Variants in UHRF2 observed in about 807,000 individuals in gnomAD.
UHRF2 encodes ubiquitin like with PHD and ring finger domains 2, also known as E3 ubiquitin-protein ligase UHRF2.
In UHRF2, 23 loss-of-function variants were observed where a neutral mutation model predicts 96.8. That is an observed-to-expected ratio of 0.24 (90% confidence interval 0.17 to 0.34). The LOEUF is 0.34. UHRF2 is among the 10% of genes least tolerant of loss of function. The probability of loss-of-function intolerance (pLI) is 1.00; values close to 1 mark genes in which losing one functional copy is unlikely to be tolerated. For synonymous variants in UHRF2, 385 were observed against 332.6 expected (o/e 1.16, Z -1.72); for missense variants, 685 against 981.5 (o/e 0.70, Z 4.04).
chr9:6,450,929 T>G (rs1029676221), intron 3 of UHRF2, among the ~76,000 whole-genome samples: 3 of 152,204 alleles, frequency 2.0e-5, no homozygotes, highest in Non-Finnish European at 4.4e-5. Context: ...TTGGTCATGT[T>G]TCTAGGTCTT....
In UHRF2 at chr9:6,506,576, A is replaced by G. The variant is rs1406117017; in HGVS notation, c.*397A>G. On this transcript the variant is annotated 3_prime_UTR_variant, in exon 16 of 16. Transcript: ENST00000276893. Reference sequence around the variant, plus strand: ...AGTTGTGCCTGGTTCTTGTAATTTGATTTTACAGAAAAGGAAATGACACTT... The same window carrying G: ...AGTTGTGCCTGGTTCTTGTAATTTGGTTTTACAGAAAAGGAAATGACACTT... 6.4e-6 allele frequency: 1 copy of G among 156,774 alleles called. No homozygotes were observed. Among genetic ancestry groups the G allele is most frequent in the Non-Finnish European group, 1.4e-5 (1 of 70,876 alleles). 9.7% of individuals were successfully genotyped at this position (156,774 alleles called of 1,614,324 possible). A position where few individuals can be genotyped will look rare whatever the true frequency, so the allele number is the denominator to read the frequency against.
intron 3 of UHRF2, among the ~76,000 whole-genome samples, chr9:6,447,718 G>T (rs909456077): frequency 6.6e-6 from 1 of 151,960 alleles, no homozygotes; most frequent in East Asian, 1.9e-4. Flanking sequence ...ACAAAAAAAG[G>T]CACAGAAATC....
chr9:6,498,654 T>G (rs1411278980), intron 12 of UHRF2: 1 of 153,736 alleles, frequency 6.5e-6, no homozygotes, highest in Non-Finnish European at 1.4e-5. Context: ...TTGTCTTTTT[T>G]CCCCTTTGCC....
chr9:6,497,167 A>G (rs774280327), intron 10 of UHRF2, 31 bp from the exon 11 acceptor site: 54 of 1,593,202 alleles, frequency 3.4e-5, no homozygotes, highest in South Asian at 4.5e-5. Context: ...GAAAAATTAC[A>G]TGGTATAAAG....
chr9:6,458,095 C>G (rs1017540067), intron 3 of UHRF2, among the ~76,000 whole-genome samples: 2 of 152,172 alleles, frequency 1.3e-5, no homozygotes, highest in Non-Finnish European at 2.9e-5. Context: ...CCCACCTCCT[C>G]TTTGTACCTC....
intron 3 of UHRF2, among the ~76,000 whole-genome samples, chr9:6,442,864 C>A (rs940658577): frequency 6.6e-6 from 1 of 152,142 alleles, no homozygotes; most frequent in Non-Finnish European, 1.5e-5. Context: ...CACCTGTTCT[C>A]TTTATCCTCT....
chr9:6,413,753 G>T, intron 1 of UHRF2, 110 bp downstream of exon 1: 6 of 1,272,686 alleles, frequency 4.7e-6, no homozygotes, highest in Non-Finnish European at 6.0e-6. Flanking sequence ...GGCTCACCTG[G>T]CTCCGCTGCG....
At chr9:6,416,008 G>T (rs988849955) in intron 1 of UHRF2, among the ~76,000 whole-genome samples, 1 of 152,154 alleles carries the variant, frequency 6.6e-6, no homozygotes, top group South Asian at 2.1e-4. Flanking sequence ...AGATCTCCAG[G>T]TGATCTGTAT....
intron 4 of UHRF2, among the ~76,000 whole-genome samples, chr9:6,471,710 C>G (rs988155347): frequency 2.6e-5 from 4 of 152,166 alleles, no homozygotes; most frequent in African/African-American, 9.7e-5. Context: ...TCCCAGATTC[C>G]TGACCCACCC....
At position 6,497,813 on chromosome 9, in the gene UHRF2, T is replaced by G. The variant is rs866370202; in HGVS notation, c.1768-205T>G. Among the ~76,000 whole-genome samples, 19 of 152,228 alleles carry G rather than the reference T, an allele frequency of 1.2e-4. No homozygotes were observed. Among genetic ancestry groups the G allele is most frequent in the African/African-American group, 4.6e-4 (19 of 41,468 alleles). On this transcript the variant is annotated intron_variant, in intron 11 of 15. Transcript: ENST00000276893. Reference sequence around the variant, plus strand: ...TAATCTTGTTACTCTATTAAATTTATAGCAGTCTGTCCTCATGGGAAGTAC... The same window carrying G: ...TAATCTTGTTACTCTATTAAATTTAGAGCAGTCTGTCCTCATGGGAAGTAC...
chr9:6,458,305 G>A (rs1822306994), intron 3 of UHRF2, among the ~76,000 whole-genome samples: 1 of 152,202 alleles, frequency 6.6e-6, no homozygotes, highest in Middle Eastern at 3.4e-3. Flanking sequence ...ATTCTCTGAT[G>A]GTAGTTTGTA....
intron 4 of UHRF2, among the ~76,000 whole-genome samples, chr9:6,469,589 A>T (rs538767985): frequency 2.6e-5 from 4 of 151,702 alleles, no homozygotes; most frequent in African/African-American, 9.7e-5. Context: ...AAACCAGAAG[A>T]TAAGTCAATA....
At chr9:6,422,683 C>G (rs780330568) in intron 2 of UHRF2, 1 of 627,638 alleles carries the variant, frequency 1.6e-6, no homozygotes, top group Admixed American at 2.3e-5. Context: ...GAACACGGCT[C>G]GCTGTAGCCT....
At chr9:6,470,691 C>T (rs1332760094) in intron 4 of UHRF2, among the ~76,000 whole-genome samples, 4 of 152,006 alleles carry the variant, frequency 2.6e-5, no homozygotes, top group Admixed American at 2.0e-4. Flanking sequence ...TAAATGAAGT[C>T]GTGAGATTCT....
intron 12 of UHRF2, 80 bp from the exon 13 acceptor site, chr9:6,499,755 A>G: frequency 1.2e-6 from 1 of 854,158 alleles, no homozygotes; most frequent in South Asian, 2.2e-5. Flanking sequence ...CCTCCCTTTT[A>G]ATTTCTCACC....
At chr9:6,493,762 A>T in intron 9 of UHRF2, 64 bp from the exon 10 acceptor site, 1 of 1,400,808 alleles carries the variant, frequency 7.1e-7, no homozygotes, top group Non-Finnish European at 9.8e-7. Flanking sequence ...TTGACTCTGA[A>T]ATAAGAATTG....
intron 3 of UHRF2, among the ~76,000 whole-genome samples, chr9:6,452,014 G>A (rs182615186): frequency 6.5e-4 from 98 of 151,926 alleles, no homozygotes; most frequent in African/African-American, 2.1e-3. Flanking sequence ...CCCATATCTA[G>A]TGTATATATG....
intron 3 of UHRF2, among the ~76,000 whole-genome samples, chr9:6,445,981 C>CTTTT (rs57147850): frequency 2.5e-5 from 2 of 78,898 alleles, no homozygotes; most frequent in African/African-American, 5.3e-5. Flanking sequence ...CCCCGCCACC[C>CTTTT]TTTTTTTTTT....
chr9:6,460,434 C>G (rs1032161850), intron 3 of UHRF2, 139 bp from the exon 4 acceptor site: 1 of 647,584 alleles, frequency 1.5e-6, no homozygotes, highest in African/African-American at 1.8e-5. Context: ...AGTAATAACA[C>G]CTGCTATTTA....
Sources: gnomAD v4.1 joint callset for allele counts (sites outside exome capture counted in the v4.1 genomes callset) on GRCh38, gnomAD v4.1.1 for gene constraint, MANE v1.5 for transcripts, NCBI Gene and HGNC (gene_info 2026-07-23, HGNC 2026-07-21) for gene names.